DHX29: variants seen among roughly 807,000 people sequenced by gnomAD.
DHX29 encodes the protein DExH-box helicase 29.
A neutral mutation model predicts 167.9 loss-of-function variants in DHX29; 79 were observed. That is an observed-to-expected ratio of 0.47 (90% CI 0.39 to 0.57). The LOEUF is 0.57. DHX29 is among the 20% of genes least tolerant of loss of function. The pLI is 0.00. For synonymous variants in DHX29, 530 were observed against 546.0 expected, an observed-to-expected ratio of 0.97 and a Z score of 0.41; for missense variants, 1,347 against 1,593.4, an observed-to-expected ratio of 0.85 and a Z score of 2.63.
intron 8 of DHX29, among the ~76,000 whole-genome samples, chr5:55,287,689 C>A (rs891294153): frequency 3.9e-5 from 6 of 152,002 alleles, no homozygotes; most frequent in African/African-American, 9.7e-5. Flanking sequence ...TGGCTCATGC[C>A]TGTAATCCCA....
chr5:55,306,153 A>G (rs1202459686), intron 1 of DHX29, among the ~76,000 whole-genome samples: 1 of 152,218 alleles, frequency 6.6e-6, no homozygotes, highest in Non-Finnish European at 1.5e-5. Context: ...TGTAGCTAAC[A>G]CTACAATAAA....
intron 4 of DHX29, 73 bp downstream of exon 4, chr5:55,296,147 C>G (rs1353093082): frequency 6.8e-7 from 1 of 1,466,720 alleles, no homozygotes; most frequent in East Asian, 2.4e-5. Flanking sequence ...GAGTATGAGC[C>G]AAAAGGTTGA....
At chr5:55,277,847 A>C (rs1225412314) in intron 12 of DHX29, among the ~76,000 whole-genome samples, 1 of 149,772 alleles carries the variant, frequency 6.7e-6, no homozygotes, top group Non-Finnish European at 1.5e-5. Context: ...CAGAGTTTGC[A>C]GTGAGCCAAG....
Position 55,296,283 on chromosome 5 carries a change from T to C in DHX29, c.442A>G (p.Thr148Ala). 3 of 1,613,716 alleles carry C rather than the reference T, an allele frequency of 1.9e-6. No homozygotes were observed. Among genetic ancestry groups the C allele is most frequent in the Non-Finnish European group, 8.5e-7 (1 of 1,179,758 alleles). ...TGAAGGTCACCTCCATATAAGAGTG[T>C]ATTGGTCATGGCATCTTCAATGTCC... ...TKDIEDAMTNTLLYGGDLHSA... is the reference protein window; with the variant it reads ...TKDIEDAMTNALLYGGDLHSA... Residue 148 changes from threonine (T) to alanine (A), a missense_variant, in exon 4 of 27, where the codon ACA (threonine) becomes GCA (alanine). Thr to Ala is a moderately conservative substitution (Grantham distance 58, BLOSUM62 0). Transcript: ENST00000251636.
rs3761764 is a variant in DHX29 at position 55,276,335 on chromosome 5, T to C, written c.2358A>G (p.Lys786=). ...TTACTTCTTCTTCCTCTTCCAGAAA[T>C]TTCTGACAATATTCTGAGTCTTTTT... is the stretch of plus-strand genomic sequence containing the variant. ...VLEKDSEYCQ[K]FLEEEEEVTI... The change falls in exon 14 of 27, where the codon AAA becomes AAG. Residue 786 remains lysine (K), a synonymous_variant. Transcript: ENST00000251636. 165,404 of 1,603,316 alleles carry C rather than the reference T, an allele frequency of 0.1. 10,156 individuals carry two copies. The highest frequency in any genetic ancestry group is 0.26 in the East Asian group (11,604 of 44,454).
chr5:55,256,794 C>T (rs1420489722), intron 26 of DHX29, among the ~76,000 whole-genome samples: 2 of 152,094 alleles, frequency 1.3e-5, no homozygotes, highest in African/African-American at 4.8e-5. Context: ...ATAGGCTAAA[C>T]CCCAAAGAGA....
In DHX29 at chr5:55,277,112, A is replaced by G; in HGVS notation, c.2280T>C (p.Pro760=). The G allele has an allele frequency of 1.9e-6, 3 of 1,605,666 alleles. No homozygotes were observed. The highest frequency in any genetic ancestry group is 2.2e-5 in the South Asian group (2 of 89,256). ...PILRISGRSY[P]VEVFHLEDII... ...CATTATAAAGAAAACTTACCTCAACAGGATAACTTCTTCCTGAAATTCTGA... is the reference window on the plus strand; with the variant it reads ...CATTATAAAGAAAACTTACCTCAACGGGATAACTTCTTCCTGAAATTCTGA... Residue 760 remains proline (P), a synonymous_variant, in exon 13 of 27, where the codon CCT becomes CCC. Coordinates refer to ENST00000251636, the MANE Select transcript of DHX29 (RefSeq NM_019030.4).
At chr5:55,277,580 G>T (rs78812416) in intron 12 of DHX29, among the ~76,000 whole-genome samples, 1,701 of 152,220 alleles carry the variant, frequency 0.011, 22 homozygotes, top group African/African-American at 0.039. Context: ...AGCTGATAAG[G>T]CTGGGTGCAA....
chr5:55,297,370 C>A lies in DHX29; in HGVS notation c.290G>T (p.Arg97Ile). 6.4e-7 allele frequency: 1 copy of A among 1,555,758 alleles called. No homozygotes were observed. The highest frequency in any genetic ancestry group is 1.1e-5 in the South Asian group (1 of 88,546). Residue 97 changes from arginine to isoleucine, a missense_variant, in exon 3 of 27, where the codon AGA becomes ATA. Arg to Ile is a moderately conservative substitution (Grantham distance 97). Coordinates refer to ENST00000251636, the MANE Select transcript of DHX29 (RefSeq NM_019030.4). The part of the protein sequence containing the change: ...KVVINNKLEQ[R>I]IIGVINEHKK... ...ATGCTCATTGATCACTCCAATAATTCTTTGCTCTAGTTTGTTATTAATTAC... is the reference window on the plus strand; with the variant it reads ...ATGCTCATTGATCACTCCAATAATTATTTGCTCTAGTTTGTTATTAATTAC...
At chr5:55,273,001 G>T (rs1309712316) in intron 17 of DHX29, among the ~76,000 whole-genome samples, 2 of 151,654 alleles carry the variant, frequency 1.3e-5, no homozygotes, top group Non-Finnish European at 2.9e-5. Context: ...TGCCTTCTTG[G>T]GAAAAAGTTG....
At chr5:55,304,079 T>A (rs1382283511) in intron 1 of DHX29, among the ~76,000 whole-genome samples, 1 of 152,098 alleles carries the variant, frequency 6.6e-6, no homozygotes, top group East Asian at 1.9e-4. Context: ...AGCTTAATTA[T>A]ACTTAGGCTA....
rs778043408 is a variant in DHX29, at chr5:55,270,427, T to G, written c.3054A>C (p.Leu1018Phe). ...TTGAGATTACCATAATATGAAGGCATAATTCCTCCAAAGGTACACGTAAGA... is the reference window on the plus strand; with the variant it reads ...TTGAGATTACCATAATATGAAGGCAGAATTCCTCCAAAGGTACACGTAAGA... Reference protein sequence around the residue: ...PEILRVPLEELCLHIMKCNLG... With the variant: ...PEILRVPLEEFCLHIMKCNLG... Residue 1018 changes from leucine (L) to phenylalanine (F), a missense_variant, in exon 20 of 27, where the codon TTA becomes TTC. Around this residue, in one of 3 missense-constraint regions of DHX29, gnomAD observed 882 missense variants for 1,082.4 expected, o/e 0.81. Transcript: ENST00000251636. 1 of 1,610,272 alleles carries G rather than the reference T, an allele frequency of 6.2e-7. No individual in the cohort carries two copies. Among genetic ancestry groups the G allele is most frequent in the East Asian group, 2.2e-5 (1 of 44,774 alleles).
intron 1 of DHX29, among the ~76,000 whole-genome samples, chr5:55,305,644 T>G (rs1311545229): frequency 6.6e-6 from 1 of 152,092 alleles, no homozygotes; most frequent in Non-Finnish European, 1.5e-5. Flanking sequence ...TCGTTGCTAC[T>G]CCAGGAATTC....
chr5:55,298,364 T>C (rs1039296927), intron 2 of DHX29, among the ~76,000 whole-genome samples: 2 of 152,230 alleles, frequency 1.3e-5, no homozygotes, highest in African/African-American at 4.8e-5. Flanking sequence ...AAAAAATGTA[T>C]ATGCCATGCT....
chr5:55,306,990 T>C (rs1748901296), intron 1 of DHX29, among the ~76,000 whole-genome samples: 1 of 152,164 alleles, frequency 6.6e-6, no homozygotes, highest in African/African-American at 2.4e-5. Flanking sequence ...GAAAATGATA[T>C]GAAAAACTGA....
At chr5:55,281,757 C>G (rs1188336093) in intron 11 of DHX29, among the ~76,000 whole-genome samples, 2 of 150,878 alleles carry the variant, frequency 1.3e-5, no homozygotes, top group Non-Finnish European at 3.0e-5. Flanking sequence ...AAATATATTT[C>G]ATATTTTGGC....
Position 55,295,490 on chromosome 5 carries a change from T to A in DHX29, c.540A>T (p.Glu180Asp). Residue 180 changes from glutamate (E) to aspartate (D), a missense_variant, in exon 5 of 27, where the codon GAA (glutamate) becomes GAT (aspartate). Physicochemically the swap from Glu to Asp is conservative, Grantham distance 45. This residue lies in a region of DHX29 where 405 missense variants were observed against 416.8 expected (regional missense o/e 0.97). Coordinates refer to ENST00000251636, the MANE Select transcript of DHX29 (RefSeq NM_019030.4). ...TAGGCCTACTTTTAGGTTGCTGCTCTTCAAATTCCTGACTGAATCCTTCAG... is the reference window on the plus strand; with the variant it reads ...TAGGCCTACTTTTAGGTTGCTGCTCATCAAATTCCTGACTGAATCCTTCAG... ...ALPEGFSQEF[E>D]EQQPKSRPKF... 1 of 1,613,966 alleles carries A rather than the reference T, an allele frequency of 6.2e-7. No homozygotes were observed. The highest frequency in any genetic ancestry group is 8.5e-7 in the Non-Finnish European group (1 of 1,179,962).
At chr5:55,293,489 T>C (rs1256039834) in intron 6 of DHX29, among the ~76,000 whole-genome samples, 1 of 152,200 alleles carries the variant, frequency 6.6e-6, no homozygotes, top group Non-Finnish European at 1.5e-5. Context: ...CTGATGGATA[T>C]ATAGTGTATC....
chr5:55,295,423 A>G lies in DHX29; in HGVS notation c.607T>C (p.Leu203=). The change falls in exon 5 of 27, where the codon TTG becomes CTG. Residue 203 remains leucine, a synonymous_variant. Transcript: ENST00000251636. Reference sequence around the variant, plus strand: ...TCATATGTTTTTGTTTTAGGTTGCAATGGAGGTGAAATAGTGGCTTGTATT... The same window carrying G: ...TCATATGTTTTTGTTTTAGGTTGCAGTGGAGGTGAAATAGTGGCTTGTATT... The part of the protein sequence containing the change: ...PQIQATISPP[L]QPKTKTYEED... 4 of 1,613,666 alleles carry G rather than the reference A, an allele frequency of 2.5e-6. No individual in the cohort carries two copies. Among genetic ancestry groups the G allele is most frequent in the Non-Finnish European group, 3.4e-6 (4 of 1,179,626 alleles).
Sources: allele counts gnomAD v4.1 joint callset (sites outside exome capture counted in the v4.1 genomes callset), GRCh38; gene constraint gnomAD v4.1.1; regional missense constraint gnomAD v4.1.1; transcripts MANE v1.5; gene names NCBI Gene and HGNC (gene_info 2026-07-23, HGNC 2026-07-21).